UNC13C: variants seen among roughly 807,000 people sequenced by gnomAD.
UNC13C encodes protein unc-13 homolog C.
A neutral mutation model predicts 245.4 loss-of-function variants in UNC13C; 174 were observed. That is an observed-to-expected ratio of 0.71 (90% CI 0.63 to 0.80). UNC13C has a LOEUF of 0.80. Among genes scored for constraint, UNC13C ranks in the 30% least tolerant of loss-of-function variants. The probability of loss-of-function intolerance (pLI) is 0.00; values close to 1 mark genes in which losing one functional copy is unlikely to be tolerated. For missense variants in UNC13C, 2,829 were observed against 2,602.9 expected, an observed-to-expected ratio of 1.09 and a Z score of -1.89; for synonymous variants, 992 against 895.1, an observed-to-expected ratio of 1.11 and a Z score of -1.93.
chr15:54,016,385 G>C (rs1184776091), intron 2 of UNC13C, among the ~76,000 whole-genome samples: 1 of 152,166 alleles, frequency 6.6e-6, no homozygotes, highest in Non-Finnish European at 1.5e-5. Flanking sequence ...GTTGCCCATA[G>C]GAAAAGTTGT....
At chr15:53,961,390 T>A in the UNC13C span, among the ~76,000 whole-genome samples, 1 of 152,272 alleles carries the variant, frequency 6.6e-6, no homozygotes, top group African/African-American at 2.4e-5. Context: ...GTTCTAGATC[T>A]TTTGTCTGAA....
chr15:54,532,594 G>A (rs535861297), intron 25 of UNC13C, among the ~76,000 whole-genome samples: 1 of 149,926 alleles, frequency 6.7e-6, no homozygotes, highest in East Asian at 1.9e-4. Flanking sequence ...ACCAAATACT[G>A]CAAGAGTCTT....
intron 2 of UNC13C, among the ~76,000 whole-genome samples, chr15:54,039,122 A>G (rs888695203): frequency 1.3e-5 from 2 of 152,282 alleles, no homozygotes; most frequent in Middle Eastern, 3.4e-3. Flanking sequence ...TCCTGCATTC[A>G]GATTATTGTT....
chr15:54,017,965 C>G (rs531404015), intron 2 of UNC13C, among the ~76,000 whole-genome samples: 2 of 152,146 alleles, frequency 1.3e-5, no homozygotes, highest in Admixed American at 1.3e-4. Flanking sequence ...AATCAGCACA[C>G]ACATCTTTAA....
At chr15:54,550,381 T>G (rs966980663) in intron 28 of UNC13C, among the ~76,000 whole-genome samples, 7 of 152,090 alleles carry the variant, frequency 4.6e-5, no homozygotes, top group African/African-American at 1.7e-4. Context: ...AGGATTGTTG[T>G]GAGTGTAAAT....
At chr15:54,250,184 C>T in intron 7 of UNC13C, 41 bp from the exon 8 acceptor site, 1 of 1,569,748 alleles carries the variant, frequency 6.4e-7, no homozygotes, top group Non-Finnish European at 8.8e-7. Context: ...TTCAAATCCA[C>T]TGACTTGGCG....
chr15:53,887,184 G>C, the UNC13C span, among the ~76,000 whole-genome samples: 1 of 152,160 alleles, frequency 6.6e-6, no homozygotes, highest in African/African-American at 2.4e-5. Context: ...TGTGTGGAAG[G>C]AGAAGGGTTA....
the UNC13C span, among the ~76,000 whole-genome samples, chr15:53,965,536 T>C: frequency 3.2e-4 from 44 of 136,672 alleles, 1 homozygote; most frequent in African/African-American, 1.2e-3. Flanking sequence ...TTCTTTTTTT[T>C]CCCTTATTTA....
intron 2 of UNC13C, among the ~76,000 whole-genome samples, chr15:54,028,684 C>CTTTT (rs58264883): frequency 0.49 from 42,419 of 86,748 alleles, 12,558 homozygotes; most frequent in Non-Finnish European, 0.58. Context: ...GCCTACAAGT[C>CTTTT]TTTTTTTTTT....
intron 17 of UNC13C, among the ~76,000 whole-genome samples, chr15:54,389,173 T>C (rs2039901163): frequency 6.6e-6 from 1 of 152,204 alleles, no homozygotes; most frequent in African/African-American, 2.4e-5. Context: ...ACACTTATCC[T>C]GTGAAAAGTC....
intron 4 of UNC13C, among the ~76,000 whole-genome samples, chr15:54,152,251 C>T (rs2032552250): frequency 6.6e-6 from 1 of 152,174 alleles, no homozygotes; most frequent in Non-Finnish European, 1.5e-5. Flanking sequence ...TTGAGTATCA[C>T]AGGAGTGCCA....
At chr15:53,954,688 T>A in the UNC13C span, among the ~76,000 whole-genome samples, 1 of 152,158 alleles carries the variant, frequency 6.6e-6, no homozygotes, top group Non-Finnish European at 1.5e-5. Context: ...GAGTTAGGAA[T>A]TTAGATGGTT....
intron 13 of UNC13C, among the ~76,000 whole-genome samples, chr15:54,310,990 T>G (rs1464187420): frequency 6.6e-6 from 1 of 151,752 alleles, no homozygotes; most frequent in Non-Finnish European, 1.5e-5. Context: ...CATTTACTAT[T>G]TAGAGTCATG....
chr15:54,086,686 T>C (rs1219171474), intron 2 of UNC13C, among the ~76,000 whole-genome samples: 1 of 151,390 alleles, frequency 6.6e-6, no homozygotes, highest in East Asian at 1.9e-4. Context: ...TCTTATTTGT[T>C]TGTAACATTA....
At chr15:54,217,420 G>A (rs1229088142) in intron 4 of UNC13C, among the ~76,000 whole-genome samples, 1 of 151,838 alleles carries the variant, frequency 6.6e-6, no homozygotes, top group Non-Finnish European at 1.5e-5. Context: ...ATACAATAGG[G>A]GGTATGATCA....
chr15:54,082,420 G>A (rs11637002), intron 2 of UNC13C, among the ~76,000 whole-genome samples: 1 of 151,894 alleles, frequency 6.6e-6, no homozygotes, highest in Non-Finnish European at 1.5e-5. Context: ...CATAGATTTG[G>A]TTGCTTTACA....
chr15:53,990,383 T>C (rs16973940), intron 1 of UNC13C, among the ~76,000 whole-genome samples: 2,845 of 152,030 alleles, frequency 0.019, 98 homozygotes, highest in African/African-American at 0.065. Flanking sequence ...AAATGCAAAG[T>C]GAGAATGAAG....
chr15:53,978,245 C>A (rs1183144075), upstream of UNC13C, among the ~76,000 whole-genome samples: 1 of 152,210 alleles, frequency 6.6e-6, no homozygotes, highest in African/African-American at 2.4e-5. Flanking sequence ...CGTCTCCCAG[C>A]GATGAAGCTG....
chr15:54,626,721 T>TAATA, intron 32 of UNC13C, 107 bp from the exon 33 acceptor site: 1 of 1,028,356 alleles, frequency 9.7e-7, no homozygotes, highest in Non-Finnish European at 1.4e-6. Flanking sequence ...TTTGCCAACA[T>TAATA]AATAATCAGA....
Sources: allele counts gnomAD v4.1 joint callset (sites outside exome capture counted in the v4.1 genomes callset), GRCh38; gene constraint gnomAD v4.1.1; transcripts MANE v1.5; gene names NCBI Gene and HGNC (gene_info 2026-07-23, HGNC 2026-07-21).